ASIC2: variants seen among roughly 807,000 people sequenced by gnomAD.
ASIC2 encodes the protein acid sensing ion channel subunit 2, also known as acid-sensing ion channel 2.
A neutral mutation model predicts 57.3 loss-of-function variants in ASIC2; 25 were observed. The ratio of observed to expected loss-of-function variants is 0.44; its 90% CI spans 0.32 to 0.61. ASIC2 has a LOEUF of 0.61. Among genes scored for constraint, ASIC2 ranks in the 20% least tolerant of loss-of-function variants. The pLI is 0.06. For synonymous variants in ASIC2, 319 were observed against 307.5 expected (o/e 1.04, Z -0.39); for missense variants, 641 against 738.1 (o/e 0.87, Z 1.52).
chr17:33,240,271 A>G (rs971016923), intron 1 of ASIC2, among the ~76,000 whole-genome samples: 4 of 152,212 alleles, frequency 2.6e-5, no homozygotes, highest in Admixed American at 6.5e-5. Flanking sequence ...CATTCCCAAG[A>G]TGGAGGTCCC....
At chr17:34,018,616 C>T (rs148090246) in intron 1 of ASIC2, among the ~76,000 whole-genome samples, 2 of 152,256 alleles carry the variant, frequency 1.3e-5, no homozygotes, top group Non-Finnish European at 2.9e-5. Flanking sequence ...TCATAGGAAG[C>T]AGTCAAAATG....
intron 1 of ASIC2, among the ~76,000 whole-genome samples, chr17:33,272,568 C>G (rs993897584): frequency 1.3e-5 from 2 of 152,124 alleles, no homozygotes; most frequent in Non-Finnish European, 2.9e-5. Context: ...TGAGCCCTGC[C>G]CTGCACATGG....
In ASIC2 at chr17:33,440,754, G is replaced by T. The variant is rs1296914279; in HGVS notation, c.556-328687C>A. Among the ~76,000 whole-genome samples, 5 of 152,090 alleles carry T rather than the reference G, an allele frequency of 3.3e-5. No individual in the cohort carries two copies. In the East Asian group the frequency reaches 9.6e-4, roughly 29 times the overall value. On this transcript the variant is annotated intron_variant, in intron 1 of 9. Transcript: ENST00000359872. ...TTTCATATACTTATTAACTATTCAT[G>T]TATTTTCTCGGGTGAAATGTGTACT... is the stretch of plus-strand genomic sequence containing the variant.
chr17:33,064,310 G>A (rs2092033838), intron 3 of ASIC2, among the ~76,000 whole-genome samples: 1 of 152,204 alleles, frequency 6.6e-6, no homozygotes, highest in East Asian at 1.9e-4. Flanking sequence ...TTTGGTGTTT[G>A]ATGATGGTGA....
rs1216537970 is a variant in ASIC2 at position 33,291,601 on chromosome 17, C to T, written c.515G>A (p.Ser172Asn). Residue 172 changes from serine to asparagine, a missense_variant, in exon 1 of 10, where the codon AGC becomes AAC. By Grantham distance (46) the Ser-to-Asn change is conservative (BLOSUM62 1). This residue lies in a region of ASIC2 where 382 missense variants were observed against 398.0 expected (regional missense o/e 0.96). Transcript: ENST00000225823. ...CGGCTCGTCGCCCCGCAGCAGCTCG[C>T]TGACAAGCGGGCGCGCGGTGCGGTT... ...LPNRTARPLV[S>N]ELLRGDEPRR... The T allele has an allele frequency of 1.9e-6, 3 of 1,608,288 alleles. No homozygotes were observed. The South Asian group carries it at 3.3e-5, about 18-fold the overall frequency.
At chr17:33,089,694 G>A (rs1435826050) in intron 2 of ASIC2, among the ~76,000 whole-genome samples, 1 of 152,220 alleles carries the variant, frequency 6.6e-6, no homozygotes, top group Non-Finnish European at 1.5e-5. Flanking sequence ...ATGAACTGAA[G>A]GTGGGGATAT....
intron 1 of ASIC2, among the ~76,000 whole-genome samples, chr17:33,434,935 G>C (rs1911555063): frequency 6.6e-6 from 1 of 152,092 alleles, no homozygotes; most frequent in Non-Finnish European, 1.5e-5. Flanking sequence ...ATTTGTGGTG[G>C]TAGTATTTAT....
chr17:33,487,000 T>C (rs1913596305), intron 1 of ASIC2, among the ~76,000 whole-genome samples: 1 of 152,176 alleles, frequency 6.6e-6, no homozygotes, highest in South Asian at 2.1e-4. Context: ...GCAGAAAGGC[T>C]GGCTTTGGAA....
At chr17:33,369,248 G>A (rs577017003) in intron 1 of ASIC2, among the ~76,000 whole-genome samples, 2 of 152,284 alleles carry the variant, frequency 1.3e-5, no homozygotes, top group Admixed American at 6.5e-5. Context: ...CACATGGAGA[G>A]CCAGTAAGAG....
At chr17:33,395,280 C>T (rs1056534715) in intron 1 of ASIC2, among the ~76,000 whole-genome samples, 10 of 152,056 alleles carry the variant, frequency 6.6e-5, no homozygotes, top group African/African-American at 1.9e-4. Flanking sequence ...AAGACATAAC[C>T]GAGACGGGCA....
At chr17:34,138,731 T>G (rs1420311570) in intron 1 of ASIC2, among the ~76,000 whole-genome samples, 2 of 152,332 alleles carry the variant, frequency 1.3e-5, no homozygotes, top group Non-Finnish European at 2.9e-5. Flanking sequence ...TTGCCTTGAC[T>G]ACGGCTGAGT....
intron 3 of ASIC2, among the ~76,000 whole-genome samples, chr17:33,087,727 T>A (rs2092140477): frequency 6.8e-6 from 1 of 147,386 alleles, no homozygotes. Flanking sequence ...CATGCCTAAT[T>A]TTTTTTTTTT....
intron 1 of ASIC2, among the ~76,000 whole-genome samples, chr17:33,276,088 T>A (rs545476575): frequency 8.5e-5 from 13 of 152,236 alleles, no homozygotes; most frequent in African/African-American, 2.9e-4. Flanking sequence ...TAGGATACTA[T>A]GGGAGCAGGG....
At chr17:33,958,033 G>T (rs1904794665) in intron 1 of ASIC2, among the ~76,000 whole-genome samples, 2 of 152,226 alleles carry the variant, frequency 1.3e-5, no homozygotes, top group East Asian at 3.8e-4. Context: ...ATCTAATAGG[G>T]TAGTCATTAA....
intron 1 of ASIC2, among the ~76,000 whole-genome samples, chr17:33,219,351 C>T (rs111601496): frequency 2.0e-4 from 30 of 152,308 alleles, no homozygotes; most frequent in Non-Finnish European, 3.2e-4. Flanking sequence ...TTAATCTTCA[C>T]GATGACCTGA....
chr17:33,823,021 G>C (rs1567725600), intron 1 of ASIC2, among the ~76,000 whole-genome samples: 1 of 152,192 alleles, frequency 6.6e-6, no homozygotes, highest in Non-Finnish European at 1.5e-5. Context: ...AAGATATGCA[G>C]TGTAGACAGG....
intron 3 of ASIC2, among the ~76,000 whole-genome samples, chr17:33,058,470 C>CA (rs10612611): frequency 0.048 from 5,291 of 109,638 alleles, 382 homozygotes; most frequent in African/African-American, 0.17. Flanking sequence ...TCTGAGAAGT[C>CA]AAAAAAAAAA....
At chr17:34,155,843 C>T (rs1341250032) in intron 1 of ASIC2, 4 of 980,032 alleles carry the variant, frequency 4.1e-6, no homozygotes, top group Non-Finnish European at 5.9e-6. Flanking sequence ...GACCAACTAC[C>T]CTCGTGGCCT....
chr17:33,940,854 T>C (rs1405671369), intron 1 of ASIC2, among the ~76,000 whole-genome samples: 3 of 152,220 alleles, frequency 2.0e-5, no homozygotes, highest in Non-Finnish European at 4.4e-5. Context: ...TGATGCACTG[T>C]AGGGCATATG....
Sources: gnomAD v4.1 joint callset for allele counts (sites outside exome capture counted in the v4.1 genomes callset) on GRCh38, gnomAD v4.1.1 for gene constraint, gnomAD v4.1.1 regional missense constraint, MANE v1.5 for transcripts, NCBI Gene and HGNC (gene_info 2026-07-23, HGNC 2026-07-21) for gene names.